Variants in TNRC6B observed in about 807,000 individuals in gnomAD.
TNRC6B encodes trinucleotide repeat-containing gene 6B protein.
Under a neutral mutation model 203.6 loss-of-function variants are expected in TNRC6B, and 52 were observed. The observed-to-expected ratio is 0.26, with a 90% CI of 0.20 to 0.32. The LOEUF (loss-of-function observed/expected upper bound fraction) is 0.32. Ranked by LOEUF, TNRC6B falls within the 10% of genes least tolerant of loss-of-function variation. The pLI, the probability that TNRC6B is intolerant of heterozygous loss-of-function variation, is 1.00. For missense variants in TNRC6B, 1,923 were observed against 2,286.2 expected (o/e 0.84, Z 3.24); for synonymous variants, 838 against 845.7 (o/e 0.99, Z 0.16).
intron 3 of TNRC6B, among the ~76,000 whole-genome samples, chr22:40,149,367 G>C (rs1230312369): frequency 6.6e-6 from 1 of 152,038 alleles, no homozygotes; most frequent in African/African-American, 2.4e-5. Flanking sequence ...GGTCACAGGA[G>C]AGGAAGCTTA....
chr22:40,183,311 G>A (rs1012181375), intron 1 of TNRC6B, among the ~76,000 whole-genome samples: 3 of 152,114 alleles, frequency 2.0e-5, no homozygotes, highest in Non-Finnish European at 2.9e-5. Context: ...TTATGGCCCC[G>A]CAGAATGGCT....
rs774587136 is a variant in TNRC6B at position 40,266,472 on chromosome 22, G to A, written c.2242G>A (p.Gly748Ser). 10 of 1,613,870 alleles carry A rather than the reference G, an allele frequency of 6.2e-6. No individual in the cohort carries two copies. The South Asian group carries it at 8.8e-5, about 14-fold the overall frequency. ...PNQGWSSGKNGWGEEVDQTKN... is the reference protein window; with the variant it reads ...PNQGWSSGKNSWGEEVDQTKN... The stretch of plus-strand genomic sequence containing the variant: ...TCAAGGATGGTCTTCTGGAAAGAAT[G>A]GTTGGGGGGAGGAAGTCGATCAGAC... Residue 748 changes from glycine (G) to serine (S), a missense_variant, in exon 5 of 23, where the codon GGT (glycine) becomes AGT (serine). Transcript: ENST00000454349.
intron 22 of TNRC6B, among the ~76,000 whole-genome samples, chr22:40,322,144 T>A (rs979831926): frequency 6.6e-6 from 1 of 152,206 alleles, no homozygotes; most frequent in African/African-American, 2.4e-5. Flanking sequence ...TCTTGCCTCA[T>A]AACTCACATG....
chr22:40,110,449 C>T (rs989628554), intron 1 of TNRC6B, among the ~76,000 whole-genome samples: 49 of 152,190 alleles, frequency 3.2e-4, no homozygotes, highest in Admixed American at 1.0e-3. Flanking sequence ...TTGTAACCCT[C>T]GGTGAATTCC....
chr22:40,045,179 C>A (rs1338139603), intron 1 of TNRC6B, among the ~76,000 whole-genome samples: 1 of 144,712 alleles, frequency 6.9e-6, no homozygotes, highest in Admixed American at 6.8e-5. Flanking sequence ...GGGGAGCGGG[C>A]CGGGGAGGGG....
chr22:40,200,688 A>G (rs2069401290), intron 1 of TNRC6B, among the ~76,000 whole-genome samples: 1 of 152,096 alleles, frequency 6.6e-6, no homozygotes, highest in African/African-American at 2.4e-5. Context: ...CATTTTATTT[A>G]TGTATGTATG....
intron 1 of TNRC6B, among the ~76,000 whole-genome samples, chr22:40,193,234 G>T (rs770714519): frequency 2.0e-4 from 31 of 152,174 alleles, no homozygotes; most frequent in Non-Finnish European, 4.4e-5. Context: ...AATACATTGA[G>T]CAGTTCTCCA....
chr22:40,335,129 G>A lies in TNRC6B; in HGVS notation c.*11888G>A, dbSNP rs553755086. On this transcript the variant is annotated 3_prime_UTR_variant, in exon 23 of 23. Coordinates refer to ENST00000454349, the MANE Select transcript of TNRC6B (RefSeq NM_001162501.2). ...GAAGTAGATAATGGGATTTAAGGACGCCTGGGGGAGAAAAGGGAGGATGTG... is the reference window on the plus strand; with the variant it reads ...GAAGTAGATAATGGGATTTAAGGACACCTGGGGGAGAAAAGGGAGGATGTG... The A allele has an allele frequency of 6.7e-6, 1 of 148,488 alleles. No individual in the cohort carries two copies. Among genetic ancestry groups the A allele is most frequent in the Non-Finnish European group, 1.5e-5 (1 of 67,358 alleles). The allele number at this position is 148,488 out of a possible 1,614,324, so 9.2% of individuals were successfully genotyped here. A position where few individuals can be genotyped will look rare whatever the true frequency, so the allele number is the denominator to read the frequency against.
intron 20 of TNRC6B, 89 bp downstream of exon 20, chr22:40,315,596 C>G: frequency 7.2e-7 from 1 of 1,385,402 alleles, no homozygotes; most frequent in Non-Finnish European, 9.9e-7. Context: ...GAGGTCTTCC[C>G]AAGAGAGGAA....
intron 1 of TNRC6B, among the ~76,000 whole-genome samples, chr22:40,196,443 AAT>A: frequency 6.6e-6 from 1 of 152,240 alleles, no homozygotes; most frequent in Non-Finnish European, 1.5e-5. Flanking sequence ...CCCACCACTG[AAT>A]AAATGAGTGC....
At chr22:40,313,586 T>G (rs1311641775) in intron 19 of TNRC6B, among the ~76,000 whole-genome samples, 1 of 152,244 alleles carries the variant, frequency 6.6e-6, no homozygotes, top group African/African-American at 2.4e-5. Context: ...GTAGACATAT[T>G]AGTAATTGGC....
chr22:40,109,893 T>G (rs2068318177), intron 1 of TNRC6B, among the ~76,000 whole-genome samples: 1 of 152,240 alleles, frequency 6.6e-6, no homozygotes, highest in Admixed American at 6.5e-5. Flanking sequence ...GGATCAGATC[T>G]GAAATGAGAG....
intron 12 of TNRC6B, among the ~76,000 whole-genome samples, chr22:40,295,474 CAA>C (rs5845457): frequency 9.2e-4 from 91 of 98,928 alleles, no homozygotes; most frequent in East Asian, 3.4e-3. Flanking sequence ...ACTCCATTTC[CAA>C]AAAAAAAAAA....
chr22:40,303,323 GC>G (rs1683475325), intron 15 of TNRC6B, among the ~76,000 whole-genome samples: 1 of 151,960 alleles, frequency 6.6e-6, no homozygotes, highest in African/African-American at 2.4e-5. Context: ...ACTGCACCTG[GC>G]CGATTCTTTC....
At chr22:40,190,857 C>T (rs1053269697) in intron 1 of TNRC6B, among the ~76,000 whole-genome samples, 1 of 152,216 alleles carries the variant, frequency 6.6e-6, no homozygotes, top group African/African-American at 2.4e-5. Context: ...TTGGTATAAT[C>T]TAGGTCCTGT....
intron 1 of TNRC6B, among the ~76,000 whole-genome samples, chr22:40,093,288 CAG>C (rs1484945552): frequency 6.6e-6 from 1 of 152,144 alleles, no homozygotes; most frequent in African/African-American, 2.4e-5. Context: ...CCCATAGAGA[CAG>C]AGAAAATGTT....
At chr22:40,059,359 T>G (rs2067828507) in intron 1 of TNRC6B, among the ~76,000 whole-genome samples, 1 of 152,374 alleles carries the variant, frequency 6.6e-6, no homozygotes, top group Admixed American at 6.5e-5. Context: ...TTAGTTCTAA[T>G]GGCATTTTTA....
Position 40,323,591 on chromosome 22 carries a change from C to T in TNRC6B, c.*350C>T, listed in dbSNP as rs1009886596. ...TTAGTTTCTAGTTTTTCACTTTTTTCATGTTATATGGAAGTTGTTGCTAAG... is the reference window on the plus strand; with the variant it reads ...TTAGTTTCTAGTTTTTCACTTTTTTTATGTTATATGGAAGTTGTTGCTAAG... On this transcript the variant is annotated 3_prime_UTR_variant, in exon 23 of 23. Transcript: ENST00000454349. 1 of 174,748 alleles carries T rather than the reference C, an allele frequency of 5.7e-6. No homozygotes were observed. Among genetic ancestry groups the T allele is most frequent in the African/African-American group, 2.4e-5 (1 of 41,790 alleles). The allele number at this position is 174,748 out of a possible 1,614,324, so 10.8% of individuals were successfully genotyped here. A position where few individuals can be genotyped will look rare whatever the true frequency, so the allele number is the denominator to read the frequency against.
At chr22:40,288,864 CAG>C (rs2070828987) in intron 12 of TNRC6B, among the ~76,000 whole-genome samples, 1 of 108,628 alleles carries the variant, frequency 9.2e-6, no homozygotes, top group Non-Finnish European at 1.8e-5. Context: ...TTTTTTGAGG[CAG>C]AGTCTCTCTC....
Sources: allele counts gnomAD v4.1 joint callset (sites outside exome capture counted in the v4.1 genomes callset), GRCh38; gene constraint gnomAD v4.1.1; transcripts MANE v1.5; gene names NCBI Gene and HGNC (gene_info 2026-07-23, HGNC 2026-07-21).